PRRX2: variants seen among roughly 807,000 people sequenced by gnomAD.
PRRX2 encodes the protein paired mesoderm homeobox protein 2.
PRRX2 carries 11 observed loss-of-function variants against 18.0 expected under a neutral mutation model. The observed-to-expected ratio is 0.61, with a 90% CI of 0.39 to 1.01. The LOEUF (loss-of-function observed/expected upper bound fraction) is 1.01, where lower values mean the gene tolerates loss of function less well. Among genes scored for constraint, PRRX2 ranks in the 50% least tolerant of loss-of-function variants. The pLI is 0.01. For synonymous variants in PRRX2, 177 were observed against 154.8 expected, an observed-to-expected ratio of 1.14 and a Z score of -1.06; for missense variants, 387 against 351.0, an observed-to-expected ratio of 1.10 and a Z score of -0.82.
Position 129,695,099 on chromosome 9 carries a change from C to T in PRRX2, c.260-24132C>T, listed in dbSNP as rs1832404772. 6.6e-6 allele frequency among the ~76,000 whole-genome samples: 1 copy of T among 152,170 alleles called. No homozygotes were observed. The highest frequency in any genetic ancestry group is 1.5e-5 in the Non-Finnish European group (1 of 68,034). ...GGGTCACCTAGCAGTCCAGGGAGAA[C>T]CCCAACACCCCACAGGCAAGTGGCT... On this transcript the variant is annotated intron_variant, in intron 1 of 3. Transcript: ENST00000372469. The surrounding 1 kb of genome is among the most constrained non-coding windows in gnomAD (Gnocchi z 4.8).
At chr9:129,703,115 G>T (rs1410735336) in intron 1 of PRRX2, among the ~76,000 whole-genome samples, 1 of 152,268 alleles carries the variant, frequency 6.6e-6, no homozygotes, top group Non-Finnish European at 1.5e-5. Context: ...ATGGCCCCGT[G>T]CCCAGACTCT....
intron 1 of PRRX2, among the ~76,000 whole-genome samples, chr9:129,684,652 C>A (rs1832282261): frequency 6.6e-6 from 1 of 152,048 alleles, no homozygotes; most frequent in African/African-American, 2.4e-5. Context: ...TGGCCGAGGC[C>A]TGGGCTGTGT....
At chr9:129,666,363 T>G (rs985029407) in intron 1 of PRRX2, among the ~76,000 whole-genome samples, 1 of 152,058 alleles carries the variant, frequency 6.6e-6, no homozygotes. Flanking sequence ...TGCGCTGCCT[T>G]CGCTCCCCAG....
chr9:129,703,609 G>C (rs1047585803), intron 1 of PRRX2, among the ~76,000 whole-genome samples: 1 of 152,090 alleles, frequency 6.6e-6, no homozygotes, highest in Admixed American at 6.5e-5. Context: ...CCTCTGCATT[G>C]TACGACGCAG....
chr9:129,705,364 C>A (rs1212070622), intron 1 of PRRX2, among the ~76,000 whole-genome samples: 2 of 152,144 alleles, frequency 1.3e-5, no homozygotes, highest in East Asian at 1.9e-4. Flanking sequence ...TGGCCTTGGC[C>A]CCCCTGGCCC....
chr9:129,668,071 C>T lies in PRRX2; in HGVS notation c.259+1945C>T, dbSNP rs79686347. The stretch of plus-strand genomic sequence containing the variant: ...AAGCTGCCTAGCTCTGCCCTGAGGA[C>T]GATGGAGCCCTGGCAGGGAGAGTCC... On this transcript the variant is annotated intron_variant, in intron 1 of 3. Coordinates refer to ENST00000372469, the MANE Select transcript of PRRX2 (RefSeq NM_016307.4). Among the ~76,000 whole-genome samples, 1,450 of 152,288 alleles carry T rather than the reference C, an allele frequency of 9.5e-3. 13 individuals are homozygous for T. The highest frequency in any genetic ancestry group is 0.015 in the Non-Finnish European group (1,021 of 68,006).
At chr9:129,698,292 T>G (rs1832453882) in intron 1 of PRRX2, among the ~76,000 whole-genome samples, 1 of 142,726 alleles carries the variant, frequency 7.0e-6, no homozygotes, top group Non-Finnish European at 1.5e-5. Context: ...TTAGGCTCTG[T>G]CTCCATGGTT....
chr9:129,669,110 G>T (rs1832066820), intron 1 of PRRX2, among the ~76,000 whole-genome samples: 1 of 151,386 alleles, frequency 6.6e-6, no homozygotes, highest in Admixed American at 6.6e-5. Context: ...GGACACCAAT[G>T]AGTTAGGAAT....
intron 1 of PRRX2, among the ~76,000 whole-genome samples, chr9:129,676,149 CTCAG>C (rs773166838): frequency 9.2e-5 from 14 of 152,198 alleles, no homozygotes; most frequent in Non-Finnish European, 1.5e-4. Context: ...CTTCCTCCTG[CTCAG>C]TCATTCACCC....
At chr9:129,688,634 A>T (rs532468858) in intron 1 of PRRX2, among the ~76,000 whole-genome samples, 1 of 152,220 alleles carries the variant, frequency 6.6e-6, no homozygotes, top group African/African-American at 2.4e-5. Context: ...CATTTCTGTC[A>T]CTCTGTCTCC....
intron 3 of PRRX2, 87 bp from the exon 4 acceptor site, chr9:129,722,130 G>A (rs757490196): frequency 4.6e-6 from 7 of 1,528,388 alleles, no homozygotes; most frequent in East Asian, 2.3e-5. Flanking sequence ...GCTAAGGAGG[G>A]GGGTGGCAGG....
At chr9:129,716,392 G>C (rs1051000079) in intron 1 of PRRX2, among the ~76,000 whole-genome samples, 1 of 151,960 alleles carries the variant, frequency 6.6e-6, no homozygotes, top group Non-Finnish European at 1.5e-5. Flanking sequence ...CTGAATGGGG[G>C]AATCCCTGGG....
chr9:129,701,172 C>T (rs567913269), intron 1 of PRRX2, among the ~76,000 whole-genome samples: 2 of 152,310 alleles, frequency 1.3e-5, no homozygotes, highest in East Asian at 1.9e-4. Context: ...GTGATGCAGC[C>T]GCTCACACTA....
chr9:129,672,001 G>A (rs1027566131), intron 1 of PRRX2, among the ~76,000 whole-genome samples: 1 of 152,170 alleles, frequency 6.6e-6, no homozygotes, highest in South Asian at 2.1e-4. Context: ...TTCTGAGTAG[G>A]TGGGGGCAGG....
chr9:129,681,052 A>G (rs6478913), intron 1 of PRRX2, among the ~76,000 whole-genome samples: 71,668 of 152,174 alleles, frequency 0.47, 18,540 homozygotes, highest in African/African-American at 0.7. Flanking sequence ...AGCATTGCAG[A>G]TGGGTACTCC....
At chr9:129,701,403 T>C (rs1339942500) in intron 1 of PRRX2, among the ~76,000 whole-genome samples, 1 of 152,240 alleles carries the variant, frequency 6.6e-6, no homozygotes, top group Non-Finnish European at 1.5e-5. Flanking sequence ...TAGGTGTTGC[T>C]GTTCCCACTT....
rs143383142 is a variant in PRRX2, at chr9:129,713,902, C to G, written c.260-5329C>G. Among the ~76,000 whole-genome samples the G allele has an allele frequency of 0.029, 4,345 of 151,618 alleles. 295 individuals carry two copies. In the East Asian group the frequency reaches 0.29, roughly 10 times the overall value. On this transcript the variant is annotated intron_variant, in intron 1 of 3. Coordinates refer to ENST00000372469, the MANE Select transcript of PRRX2 (RefSeq NM_016307.4). ...AGGTGTTCCGCCTGCCTCGACCTCCCAAAGTGCTGGGATTATAGGCATGAG... is the reference window on the plus strand; with the variant it reads ...AGGTGTTCCGCCTGCCTCGACCTCCGAAAGTGCTGGGATTATAGGCATGAG...
intron 1 of PRRX2, among the ~76,000 whole-genome samples, chr9:129,667,946 G>A (rs970997341): frequency 1.3e-5 from 2 of 152,182 alleles, no homozygotes; most frequent in African/African-American, 4.8e-5. Flanking sequence ...TTGGCACACT[G>A]GGAGTACCCA....
rs58405360 is a variant in PRRX2, at chr9:129,715,750, TCACACACACACACACACACACA to T, written c.260-3459_260-3438del. 7.2e-6 allele frequency among the ~76,000 whole-genome samples: 1 copy of T among 138,860 alleles called. No individual in the cohort carries two copies. The allele number at this position is 138,860 out of a possible 152,430, so 91.1% of individuals were successfully genotyped here. ...AAACCCAGCTTCAGGGACATCTTTC[TCACACACACACACACACACACA>T]CACACACACACACACACACACTCAT... On this transcript the variant is annotated intron_variant, in intron 1 of 3. Transcript: ENST00000372469. The surrounding 1 kb of genome is among the most constrained non-coding windows in gnomAD (Gnocchi z 4.0).
Sources: allele counts gnomAD v4.1 joint callset (sites outside exome capture counted in the v4.1 genomes callset), GRCh38; gene constraint gnomAD v4.1.1; non-coding constraint Gnocchi (gnomAD v3.1); transcripts MANE v1.5; gene names NCBI Gene and HGNC (gene_info 2026-07-23, HGNC 2026-07-21).